Variants in ZFYVE9 observed in about 807,000 individuals in gnomAD.
ZFYVE9 encodes zinc finger FYVE domain-containing protein 9.
Under a neutral mutation model 126.7 loss-of-function variants are expected in ZFYVE9, and 43 were observed. That is an observed-to-expected ratio of 0.34 (90% CI 0.27 to 0.44). The LOEUF (loss-of-function observed/expected upper bound fraction) is 0.44. Ranked by LOEUF, ZFYVE9 falls within the 20% of genes least tolerant of loss-of-function variation. The probability of loss-of-function intolerance (pLI) is 1.00; values close to 1 mark genes in which losing one functional copy is unlikely to be tolerated. For synonymous variants in ZFYVE9, 521 were observed against 597.4 expected (o/e 0.87, Z 1.87); for missense variants, 1,476 against 1,697.0 (o/e 0.87, Z 2.29).
chr1:52,157,726 A>G (rs927815885), intron 1 of ZFYVE9, among the ~76,000 whole-genome samples: 1 of 151,928 alleles, frequency 6.6e-6, no homozygotes, highest in African/African-American at 2.4e-5. Flanking sequence ...TCTCTTAACT[A>G]TCTCCACAGC....
At chr1:52,209,422 A>G (rs1645007516) in intron 1 of ZFYVE9, among the ~76,000 whole-genome samples, 1 of 152,190 alleles carries the variant, frequency 6.6e-6, no homozygotes, top group Admixed American at 6.5e-5. Context: ...AGAGTTGTGT[A>G]ACCATCACCA....
chr1:52,342,260 A>G (rs1030356339), intron 17 of ZFYVE9, among the ~76,000 whole-genome samples: 2 of 117,734 alleles, frequency 1.7e-5, no homozygotes, highest in African/African-American at 2.9e-5. Flanking sequence ...TGTCTTTTAT[A>G]TTTTGCCTTT....
intron 1 of ZFYVE9, among the ~76,000 whole-genome samples, chr1:52,191,023 G>A (rs542508910): frequency 2.6e-4 from 39 of 151,830 alleles, no homozygotes; most frequent in African/African-American, 9.4e-4. Context: ...TTCAACCTCC[G>A]TGGCTCAAGT....
At chr1:52,156,926 G>A (rs969873731) in intron 1 of ZFYVE9, among the ~76,000 whole-genome samples, 6 of 151,404 alleles carry the variant, frequency 4.0e-5, no homozygotes, top group African/African-American at 9.7e-5. Context: ...TCTGCCTCTC[G>A]GGTTCACACC....
At chr1:52,155,974 T>C (rs1159482314) in intron 1 of ZFYVE9, among the ~76,000 whole-genome samples, 1 of 152,192 alleles carries the variant, frequency 6.6e-6, no homozygotes, top group Non-Finnish European at 1.5e-5. Flanking sequence ...TTGGAACACA[T>C]GTACCCCACC....
At chr1:52,218,138 T>C (rs754132800) in intron 2 of ZFYVE9, among the ~76,000 whole-genome samples, 60 of 152,308 alleles carry the variant, frequency 3.9e-4, no homozygotes, top group Non-Finnish European at 4.1e-4. Context: ...GACCCATTTA[T>C]TGGGGCTTCT....
In ZFYVE9 at chr1:52,179,068, T is replaced by C. The variant is rs2124536757; in HGVS notation, c.-143+36665T>C. 1.3e-5 allele frequency among the ~76,000 whole-genome samples: 2 copies of C among 152,240 alleles called. 1 individual carries two copies. Among genetic ancestry groups the C allele is most frequent in the East Asian group, 3.9e-4 (2 of 5,170 alleles). On this transcript the variant is annotated intron_variant, in intron 1 of 18. Coordinates refer to ENST00000287727, the MANE Select transcript of ZFYVE9 (RefSeq NM_004799.4). The stretch of plus-strand genomic sequence containing the variant: ...GCCCTCCCTCCGTGGCCTCCCAAAA[T>C]GCTGGAATTATAGATGTGAGACACT...
At chr1:52,243,374 A>G (rs1042668997) in intron 4 of ZFYVE9, among the ~76,000 whole-genome samples, 1 of 152,274 alleles carries the variant, frequency 6.6e-6, no homozygotes, top group Non-Finnish European at 1.5e-5. Flanking sequence ...GAGAAGTGAC[A>G]TAGTTCAAGG....
intron 1 of ZFYVE9, chr1:52,189,772 G>C (rs1214484103): frequency 6.6e-6 from 1 of 151,770 alleles, no homozygotes; most frequent in Non-Finnish European, 1.5e-5. Context: ...AAGAGTTTTA[G>C]CTCTTATATT....
chr1:52,243,290 C>A (rs1645353331), intron 4 of ZFYVE9, among the ~76,000 whole-genome samples: 1 of 151,860 alleles, frequency 6.6e-6, no homozygotes, highest in Admixed American at 6.6e-5. Flanking sequence ...TGATTTGTGG[C>A]AAGGGCGATG....
At chr1:52,193,487 ACC>A (rs1644833562) in intron 1 of ZFYVE9, among the ~76,000 whole-genome samples, 1 of 150,990 alleles carries the variant, frequency 6.6e-6, no homozygotes, top group Non-Finnish European at 1.5e-5. Context: ...CAGGTGGATC[ACC>A]TGAGGTCAGG....
At chr1:52,256,611 A>G (rs1569601466) in intron 4 of ZFYVE9, among the ~76,000 whole-genome samples, 1 of 152,132 alleles carries the variant, frequency 6.6e-6, no homozygotes, top group Admixed American at 6.6e-5. Flanking sequence ...TCAGTTGGAT[A>G]TAATATTGAA....
intron 13 of ZFYVE9, among the ~76,000 whole-genome samples, chr1:52,307,228 C>CT (rs557514542): frequency 6.1e-4 from 93 of 151,520 alleles, no homozygotes; most frequent in East Asian, 5.0e-3. Context: ...ATAGTTATTT[C>CT]TTTTTTTTTG....
chr1:52,183,628 G>A (rs189496397), intron 1 of ZFYVE9, among the ~76,000 whole-genome samples: 7 of 151,950 alleles, frequency 4.6e-5, no homozygotes, highest in East Asian at 1.9e-4. Context: ...TCAGCCTTCC[G>A]AGTATCTGGG....
At chr1:52,341,443 T>C (rs1177838674) in intron 17 of ZFYVE9, among the ~76,000 whole-genome samples, 1 of 152,184 alleles carries the variant, frequency 6.6e-6, no homozygotes, top group East Asian at 1.9e-4. Context: ...ACATGTCATA[T>C]AGATCAGAAA....
intron 2 of ZFYVE9, among the ~76,000 whole-genome samples, chr1:52,217,606 C>G (rs551019362): frequency 6.6e-6 from 1 of 152,106 alleles, no homozygotes; most frequent in Non-Finnish European, 1.5e-5. Flanking sequence ...ATACAGCAAC[C>G]GACAAGGATG....
chr1:52,307,090 G>A (rs909741850), intron 13 of ZFYVE9, among the ~76,000 whole-genome samples: 2 of 152,232 alleles, frequency 1.3e-5, no homozygotes, highest in Non-Finnish European at 2.9e-5. Context: ...CAAGGATCCT[G>A]TAACAGTTAG....
At chr1:52,205,774 C>G (rs574902320) in intron 1 of ZFYVE9, among the ~76,000 whole-genome samples, 36 of 152,258 alleles carry the variant, frequency 2.4e-4, no homozygotes, top group African/African-American at 8.4e-4. Flanking sequence ...AAATGCTGCA[C>G]TAGAAACTGG....
intron 1 of ZFYVE9, among the ~76,000 whole-genome samples, chr1:52,192,710 T>G (rs1644826696): frequency 6.7e-6 from 1 of 150,010 alleles, no homozygotes; most frequent in Admixed American, 6.6e-5. Flanking sequence ...TGACAGATCA[T>G]TAAGGAAAAA....
Sources: allele counts gnomAD v4.1 joint callset (sites outside exome capture counted in the v4.1 genomes callset), GRCh38; gene constraint gnomAD v4.1.1; transcripts MANE v1.5; gene names NCBI Gene and HGNC (gene_info 2026-07-23, HGNC 2026-07-21).